The following RHOA variants were observed in gnomAD, a reference collection of about 807,000 sequenced individuals.
RHOA encodes the protein transforming protein RhoA.
RHOA carries 3 observed loss-of-function variants against 17.5 expected under a neutral mutation model. The ratio of observed to expected loss-of-function variants is 0.17; its 90% CI spans 0.08 to 0.44. RHOA has a LOEUF of 0.44. Among genes scored for constraint, RHOA ranks in the 20% least tolerant of loss-of-function variants. RHOA has a pLI of 0.99. For synonymous variants in RHOA, 98 were observed against 88.4 expected (o/e 1.11, Z -0.61); for missense variants, 56 against 242.3 (o/e 0.23, Z 5.10).
At chr3:49,399,540 T>C (rs1333066534) in intron 1 of RHOA, among the ~76,000 whole-genome samples, 1 of 151,730 alleles carries the variant, frequency 6.6e-6, no homozygotes, top group African/African-American at 2.4e-5. Context: ...TAGACACTGG[T>C]ATATGTATAG....
chr3:49,365,069 G>A (rs2048033372), intron 3 of RHOA: 1 of 151,236 alleles, frequency 6.6e-6, no homozygotes, highest in African/African-American at 2.4e-5. Flanking sequence ...TGGGTTTACT[G>A]TTGTTATTTT....
In RHOA at chr3:49,365,442, C is replaced by T. The variant is rs375955251; in HGVS notation, c.278-2816G>A. On this transcript the variant is annotated intron_variant, in intron 3 of 4. Transcript: ENST00000418115. ...ACAGGTGTGAGCCACAGTGCCTGGC[C>T]TAGAATAGATGTTCTGTTAGTAGGT... Among the ~76,000 whole-genome samples the T allele has an allele frequency of 1.2e-4, 18 of 152,114 alleles. No homozygotes were observed. In the East Asian group the frequency reaches 2.5e-3, roughly 21 times the overall value.
chr3:49,411,501 G>T (rs1422025581), intron 1 of RHOA, among the ~76,000 whole-genome samples: 1 of 152,196 alleles, frequency 6.6e-6, no homozygotes, highest in South Asian at 2.1e-4. Context: ...CCCCCGCCCT[G>T]CCCGGCGCCG....
rs762958589 is a variant in RHOA at position 49,375,419 on chromosome 3, G to T, written c.156+15C>A. 8 of 1,595,972 alleles carry T rather than the reference G, an allele frequency of 5.0e-6. No homozygotes were observed. The highest frequency in any genetic ancestry group is 3.4e-6 in the Non-Finnish European group (4 of 1,172,424). On this transcript the variant is annotated intron_variant, in intron 2 of 4. Coordinates refer to ENST00000418115, the MANE Select transcript of RHOA (RefSeq NM_001664.4). ...CATGGAAAATGGCATCAGTTGTTAT[G>T]AAAAGTATACTCACCTGCTTTCCAT...
intron 1 of RHOA, among the ~76,000 whole-genome samples, chr3:49,397,531 G>A (rs747616926): frequency 6.6e-6 from 1 of 151,992 alleles, no homozygotes; most frequent in Non-Finnish European, 1.5e-5. Flanking sequence ...AAAAATAAGC[G>A]TTGAAAGTAT....
chr3:49,362,757 A>C (rs920296794), intron 3 of RHOA, 131 bp from the exon 4 acceptor site: 5 of 720,950 alleles, frequency 6.9e-6, no homozygotes, highest in Admixed American at 5.1e-5. Context: ...AATGAAACTC[A>C]CTAGTTTCAA....
intron 1 of RHOA, among the ~76,000 whole-genome samples, chr3:49,409,067 C>A (rs2048888532): frequency 6.6e-6 from 1 of 150,526 alleles, no homozygotes; most frequent in African/African-American, 2.4e-5. Context: ...GGATTACAGG[C>A]ATGAACCACC....
chr3:49,383,985 G>GC (rs1171293468), intron 1 of RHOA, among the ~76,000 whole-genome samples: 3 of 152,138 alleles, frequency 2.0e-5, no homozygotes, highest in Admixed American at 6.6e-5. Flanking sequence ...AGCCGAGATT[G>GC]CACTACTGCA....
rs961488725 is a variant in RHOA, at chr3:49,411,657, G to A, written c.-3+163C>T. Among the ~76,000 whole-genome samples the A allele has an allele frequency of 3.9e-5, 6 of 151,928 alleles. No homozygotes were observed. In the South Asian group the frequency reaches 8.3e-4, roughly 21 times the overall value. ...GGCGGGGTCGCCGCTTGGGGCGCGGGGCCCGGGCTGGGAGTCAGGTCAAGG... is the reference window on the plus strand; with the variant it reads ...GGCGGGGTCGCCGCTTGGGGCGCGGAGCCCGGGCTGGGAGTCAGGTCAAGG... On this transcript the variant is annotated intron_variant, in intron 1 of 4. Coordinates refer to ENST00000418115, the MANE Select transcript of RHOA (RefSeq NM_001664.4).
chr3:49,369,618 C>T (rs1378256970), intron 2 of RHOA, among the ~76,000 whole-genome samples: 1 of 151,796 alleles, frequency 6.6e-6, no homozygotes, highest in Non-Finnish European at 1.5e-5. Context: ...GCCTGTAGTC[C>T]CAGCTACTGG....
chr3:49,371,146 C>T (rs1485159112), intron 2 of RHOA, among the ~76,000 whole-genome samples: 1 of 152,098 alleles, frequency 6.6e-6, no homozygotes, highest in Admixed American at 6.6e-5. Context: ...CCTCTATTGG[C>T]GCTTGATAAA....
intron 1 of RHOA, among the ~76,000 whole-genome samples, chr3:49,395,294 G>A (rs2048595691): frequency 6.6e-6 from 1 of 151,926 alleles, no homozygotes; most frequent in Admixed American, 6.6e-5. Flanking sequence ...TGAAAATAAG[G>A]GTGGAAAGAT....
intron 1 of RHOA, among the ~76,000 whole-genome samples, chr3:49,380,267 G>GATC (rs1456417395): frequency 3.3e-5 from 5 of 152,166 alleles, no homozygotes; most frequent in Non-Finnish European, 7.3e-5. Context: ...AAGGAGCCTG[G>GATC]ATCTCAGGTG....
intron 1 of RHOA, among the ~76,000 whole-genome samples, chr3:49,399,630 T>C (rs1310733656): frequency 1.3e-5 from 2 of 151,102 alleles, no homozygotes; most frequent in African/African-American, 4.9e-5. Context: ...CAGGCTGCAG[T>C]GCTGGAGTGC....
chr3:49,404,566 T>G lies in RHOA; in HGVS notation c.-3+7254A>C. On this transcript the variant is annotated intron_variant, in intron 1 of 4. Coordinates refer to ENST00000418115, the MANE Select transcript of RHOA (RefSeq NM_001664.4). ...GGCAGAGATTGCAGTGAGCCGAGAT[T>G]GTGCCACTACACTCCAGCTTAGACA... Among the ~76,000 whole-genome samples, 2 of 119,026 alleles carry G rather than the reference T, an allele frequency of 1.7e-5. 1 individual carries two copies. Among genetic ancestry groups the G allele is most frequent in the Middle Eastern group, 0.016 (2 of 124 alleles). 78.1% of individuals were successfully genotyped at this position (119,026 alleles called of 152,430 possible).
At chr3:49,404,980 G>A (rs1158656568) in intron 1 of RHOA, among the ~76,000 whole-genome samples, 1 of 150,030 alleles carries the variant, frequency 6.7e-6, no homozygotes, top group Non-Finnish European at 1.5e-5. Flanking sequence ...AGGCGCGGTG[G>A]CTCACACCTA....
chr3:49,367,388 T>C (rs1243300493), intron 3 of RHOA, among the ~76,000 whole-genome samples: 1 of 147,546 alleles, frequency 6.8e-6, no homozygotes, highest in Non-Finnish European at 1.5e-5. Flanking sequence ...TACTGACTTC[T>C]GAATTATGTG....
intron 1 of RHOA, among the ~76,000 whole-genome samples, chr3:49,393,674 CTCTGTGTGTGTGTGTG>C (rs2048556887): frequency 9.2e-4 from 4 of 4,354 alleles, no homozygotes; most frequent in African/African-American, 2.1e-3. Context: ...CAAATTCTCT[CTCTGTGTGTGTGTGTG>C]TGTGTGTGTG....
intron 1 of RHOA, among the ~76,000 whole-genome samples, chr3:49,384,165 G>A (rs1340584267): frequency 6.6e-6 from 1 of 152,206 alleles, no homozygotes; most frequent in Non-Finnish European, 1.5e-5. Context: ...GAAAGCCTAA[G>A]TGATTTCTGG....
Sources: gnomAD v4.1 joint callset for allele counts (sites outside exome capture counted in the v4.1 genomes callset) on GRCh38, gnomAD v4.1.1 for gene constraint, MANE v1.5 for transcripts, NCBI Gene and HGNC (gene_info 2026-07-23, HGNC 2026-07-21) for gene names.